PFKM: variants seen among roughly 807,000 people sequenced by gnomAD.
PFKM encodes phosphofructokinase, muscle.
A neutral mutation model predicts 95.5 loss-of-function variants in PFKM; 58 were observed. That is an observed-to-expected ratio of 0.61 (90% CI 0.49 to 0.76). PFKM has a LOEUF of 0.76. Among genes scored for constraint, PFKM ranks in the 30% least tolerant of loss-of-function variants. The pLI is 0.00. For missense variants in PFKM, 678 were observed against 1,005.4 expected, an observed-to-expected ratio of 0.67 and a Z score of 4.40; for synonymous variants, 336 against 357.2, an observed-to-expected ratio of 0.94 and a Z score of 0.67.
At chr12:48,121,062 A>C (rs1948208701) in intron 1 of PFKM, among the ~76,000 whole-genome samples, 1 of 152,198 alleles carries the variant, frequency 6.6e-6, no homozygotes, top group Non-Finnish European at 1.5e-5. Flanking sequence ...GAGGCAGGAG[A>C]ATCACTTGAA....
chr12:48,123,535 A>T (rs578158258), intron 2 of PFKM, among the ~76,000 whole-genome samples: 76 of 152,134 alleles, frequency 5.0e-4, no homozygotes, highest in African/African-American at 1.5e-3. Context: ...TGATTTTTTT[A>T]AAAAAAACTT....
rs761221631 is a variant in PFKM, at chr12:48,133,360, T to C, written c.473T>C (p.Ile158Thr). 8.7e-6 allele frequency: 14 copies of C among 1,613,958 alleles called. No individual in the cohort carries two copies. Among genetic ancestry groups the C allele is most frequent in the Non-Finnish European group, 1.2e-5 (14 of 1,179,980 alleles). Residue 158 changes from isoleucine (I) to threonine (T), a missense_variant, in exon 6 of 23, where the codon ATT (isoleucine) becomes ACT (threonine). By Grantham distance (89) the Ile-to-Thr change is moderately conservative. Transcript: ENST00000359794. ...GCTACGAAGTCCAGCTACCTGAACA[T>C]TGTGGGCCTGGTTGGGTCAATTGAC... ...EEATKSSYLN[I>T]VGLVGSIDND...
At chr12:48,123,351 T>C (rs569801394) in intron 2 of PFKM, among the ~76,000 whole-genome samples, 8 of 152,246 alleles carry the variant, frequency 5.3e-5, no homozygotes, top group Admixed American at 3.9e-4. Flanking sequence ...CCTCTTCCCT[T>C]TCATCACCCC....
At chr12:48,108,453 G>A (rs960417971) in intron 3 of PFKM, among the ~76,000 whole-genome samples, 1 of 152,094 alleles carries the variant, frequency 6.6e-6, no homozygotes, top group South Asian at 2.1e-4. Context: ...ACATCTCTAT[G>A]CAGAATAACT....
At chr12:48,133,178 A>G (rs1368459682) in intron 5 of PFKM, 121 bp downstream of exon 5, 2 of 1,285,716 alleles carry the variant, frequency 1.6e-6, no homozygotes, top group African/African-American at 2.9e-5. Context: ...CCAGACACAA[A>G]TAGGCAGTCT....
chr12:48,105,735 G>C (rs1946498891), upstream of PFKM: 2 of 525,048 alleles, frequency 3.8e-6, no homozygotes, highest in East Asian at 3.4e-5. Flanking sequence ...TGGGCGCTGG[G>C]ATGGGGCCTG....
Position 48,134,279 on chromosome 12 carries a change from A to G in PFKM, c.638+3A>G, listed in dbSNP as rs1282825667. 1.9e-6 allele frequency: 3 copies of G among 1,611,670 alleles called. No homozygotes were observed. The African/African-American group carries it at 4.0e-5, about 22-fold the overall frequency. On this transcript the variant is annotated splice_donor_region_variant and intron_variant, in intron 7 of 22. Transcript: ENST00000359794. ...GAAGTAATGGGCCGCCACTGTGGGT[A>G]AGATCCTCATTCTGACCCATTTATT...
At chr12:48,139,405 C>A in intron 12 of PFKM, 56 bp downstream of exon 12, 3 of 1,335,790 alleles carry the variant, frequency 2.2e-6, no homozygotes, top group Non-Finnish European at 3.2e-6. Flanking sequence ...TGAACGAAGC[C>A]AAAGATCTCC....
At chr12:48,136,053 A>G (rs745413282) in intron 10 of PFKM, among the ~76,000 whole-genome samples, 2 of 151,938 alleles carry the variant, frequency 1.3e-5, no homozygotes, top group Non-Finnish European at 2.9e-5. Flanking sequence ...ACGCCCGGCT[A>G]ATATTTTGTA....
At chr12:48,137,454 C>G (rs1452251721) in intron 10 of PFKM, 1 of 526,146 alleles carries the variant, frequency 1.9e-6, no homozygotes, top group African/African-American at 1.9e-5. Context: ...ATTATTAAGC[C>G]CCAGTAATCC....
intron 1 of PFKM, among the ~76,000 whole-genome samples, chr12:48,120,399 T>C (rs904820948): frequency 1.3e-5 from 2 of 152,238 alleles, no homozygotes; most frequent in Non-Finnish European, 2.9e-5. Context: ...GGTCCTGTAA[T>C]GTGCATAGAC....
chr12:48,106,205 C>G (rs1323866868), intron 1 of PFKM: 2 of 671,620 alleles, frequency 3.0e-6, no homozygotes, highest in South Asian at 3.1e-5. Context: ...GGGGCGCCTG[C>G]GCGGTGTGGC....
chr12:48,124,000 G>A (rs117809163), intron 2 of PFKM, among the ~76,000 whole-genome samples: 1 of 152,268 alleles, frequency 6.6e-6, no homozygotes, highest in Non-Finnish European at 1.5e-5. Context: ...CAATACATGT[G>A]ATCATTAATT....
chr12:48,105,914 G>A, upstream of PFKM: 1 of 655,616 alleles, frequency 1.5e-6, no homozygotes, highest in East Asian at 2.7e-5. Context: ...CGGCCCCACA[G>A]TGCTCCCCGC....
upstream of PFKM, chr12:48,105,789 A>T (rs964365198): frequency 2.6e-5 from 15 of 582,326 alleles, no homozygotes; most frequent in Non-Finnish European, 3.1e-6. Flanking sequence ...CAGGAGAGAG[A>T]GACCAGAAGG....
At chr12:48,129,640 AG>A (rs987579072) in intron 2 of PFKM, among the ~76,000 whole-genome samples, 2 of 152,206 alleles carry the variant, frequency 1.3e-5, no homozygotes, top group African/African-American at 2.4e-5. Context: ...GACACAAAAA[AG>A]GGGGGTGTGT....
At chr12:48,119,609 G>T (rs1392995237) in intron 1 of PFKM, 1 of 155,662 alleles carries the variant, frequency 6.4e-6, no homozygotes, top group Admixed American at 6.5e-5. Flanking sequence ...TCCGCTTGCA[G>T]GCTCAGCTGC....
upstream of PFKM, chr12:48,119,314 C>T: frequency 1.0e-6 from 1 of 983,740 alleles, no homozygotes; most frequent in Non-Finnish European, 1.2e-6. Flanking sequence ...TTGCCTCCAC[C>T]TGGCTCCTCC....
In PFKM at chr12:48,144,270, C is replaced by T. The variant is rs781676048; in HGVS notation, c.1992+113C>T. On this transcript the variant is annotated intron_variant, in intron 20 of 22. Transcript: ENST00000359794. ...GGCCTTTTCCAGTCTTCTGGAGGAGCCTGTCAGTGCCATCATAGAGCATGG... is the reference window on the plus strand; with the variant it reads ...GGCCTTTTCCAGTCTTCTGGAGGAGTCTGTCAGTGCCATCATAGAGCATGG... The T allele has an allele frequency of 1.7e-5, 13 of 751,322 alleles. No homozygotes were observed. The Admixed American group carries it at 2.5e-4, about 14-fold the overall frequency. 46.5% of individuals were successfully genotyped at this position (751,322 alleles called of 1,614,324 possible). A position where few individuals can be genotyped will look rare whatever the true frequency, so the allele number is the denominator to read the frequency against.
Sources: allele counts gnomAD v4.1 joint callset (sites outside exome capture counted in the v4.1 genomes callset), GRCh38; gene constraint gnomAD v4.1.1; transcripts MANE v1.5; gene names NCBI Gene and HGNC (gene_info 2026-07-23, HGNC 2026-07-21).